Variants in NRXN1 observed in about 807,000 individuals in gnomAD.
NRXN1 encodes neurexin-1.
A neutral mutation model predicts 150.9 loss-of-function variants in NRXN1; 39 were observed. That is an observed-to-expected ratio of 0.26 (90% CI 0.20 to 0.34). The LOEUF is 0.34. Among genes scored for constraint, NRXN1 ranks in the 10% least tolerant of loss-of-function variants. The pLI, the probability that NRXN1 is intolerant of heterozygous loss-of-function variation, is 1.00. For synonymous variants in NRXN1, 924 were observed against 757.0 expected, an observed-to-expected ratio of 1.22 and a Z score of -3.62; for missense variants, 1,815 against 1,949.9, an observed-to-expected ratio of 0.93 and a Z score of 1.30.
intron 5 of NRXN1, among the ~76,000 whole-genome samples, chr2:50,812,800 CAAA>C (rs776852334): frequency 9.4e-6 from 1 of 106,696 alleles, no homozygotes; most frequent in African/African-American, 3.5e-5. Context: ...AAAGAGAAAG[CAAA>C]AAAAAAAAGA....
At chr2:50,204,468 T>C (rs2152836961) in intron 18 of NRXN1, among the ~76,000 whole-genome samples, 1 of 152,088 alleles carries the variant, frequency 6.6e-6, no homozygotes, top group Admixed American at 6.6e-5. Flanking sequence ...AGTTTTAGCC[T>C]TCCAAGTTGT....
intron 21 of NRXN1, among the ~76,000 whole-genome samples, chr2:49,967,013 AGGATTCTCTTAGGCAATTGGT>A (rs146394237): frequency 2.0e-3 from 304 of 152,304 alleles, no homozygotes; most frequent in African/African-American, 7.0e-3. Context: ...CCCAGTGAAG[AGGATTCTCTTAGGCAATTGGT>A]GGATTCTCTT....
rs1223499507 is a variant in NRXN1, at chr2:50,376,253, A to G, written c.3364+89189T>C. Among the ~76,000 whole-genome samples, 37 of 152,064 alleles carry G rather than the reference A, an allele frequency of 2.4e-4. 1 individual carries two copies. On this transcript the variant is annotated intron_variant, in intron 17 of 22. Coordinates refer to ENST00000401669, the MANE Select transcript of NRXN1 (RefSeq NM_001330078.2). ...ATTTCCTACCATGTAAGTCTGAAAG[A>G]GAGAAAATCAATTTTTATGAAAACA...
intron 17 of NRXN1, among the ~76,000 whole-genome samples, chr2:50,375,280 T>C (rs1314372947): frequency 2.0e-5 from 3 of 151,812 alleles, no homozygotes; most frequent in African/African-American, 7.3e-5. Context: ...AAAACAATGA[T>C]AGTAATTTAC....
intron 2 of NRXN1, among the ~76,000 whole-genome samples, chr2:50,935,899 A>T (rs1688475926): frequency 6.6e-6 from 1 of 152,094 alleles, no homozygotes; most frequent in South Asian, 2.1e-4. Flanking sequence ...TATTTAAAGT[A>T]TTTTCCAAGT....
At chr2:50,344,522 C>T (rs1205022806) in intron 17 of NRXN1, among the ~76,000 whole-genome samples, 1 of 152,156 alleles carries the variant, frequency 6.6e-6, no homozygotes, top group Admixed American at 6.5e-5. Flanking sequence ...TTCTTTGACC[C>T]AAAAGAATAA....
chr2:50,068,935 G>T (rs967080134), intron 19 of NRXN1, among the ~76,000 whole-genome samples: 7 of 152,092 alleles, frequency 4.6e-5, no homozygotes, highest in African/African-American at 1.4e-4. Context: ...TTTCTCCCAA[G>T]CAATGTCATC....
At chr2:50,845,449 C>T (rs931934032) in intron 5 of NRXN1, among the ~76,000 whole-genome samples, 3 of 152,134 alleles carry the variant, frequency 2.0e-5, no homozygotes, top group Non-Finnish European at 4.4e-5. Context: ...CATCCCTGAC[C>T]ACACAAACTA....
intron 2 of NRXN1, among the ~76,000 whole-genome samples, chr2:50,950,327 A>C (rs1482974947): frequency 6.6e-6 from 1 of 152,174 alleles, no homozygotes; most frequent in Non-Finnish European, 1.5e-5. Flanking sequence ...CATACATGTC[A>C]AATTATATAT....
intron 17 of NRXN1, among the ~76,000 whole-genome samples, chr2:50,264,372 C>T (rs2152916396): frequency 6.6e-6 from 1 of 152,086 alleles, no homozygotes; most frequent in Non-Finnish European, 1.5e-5. Flanking sequence ...GGAGACTAGC[C>T]ATTCATTCCT....
intron 8 of NRXN1, among the ~76,000 whole-genome samples, chr2:50,571,488 C>G (rs1457823729): frequency 6.6e-6 from 1 of 152,130 alleles, no homozygotes; most frequent in African/African-American, 2.4e-5. Flanking sequence ...TGTACTATCT[C>G]TGTCCTTGTT....
At chr2:51,006,748 A>G (rs1198528845) in intron 2 of NRXN1, among the ~76,000 whole-genome samples, 2 of 151,842 alleles carry the variant, frequency 1.3e-5, no homozygotes, top group Non-Finnish European at 2.9e-5. Flanking sequence ...TACAAATTCT[A>G]AGTTATTTGT....
intron 18 of NRXN1, among the ~76,000 whole-genome samples, chr2:50,102,142 G>A (rs927061152): frequency 6.6e-6 from 1 of 151,988 alleles, no homozygotes; most frequent in Non-Finnish European, 1.5e-5. Context: ...TCATGTGTGT[G>A]ATTGTGGCAC....
chr2:50,051,205 C>A (rs924468053), intron 21 of NRXN1, among the ~76,000 whole-genome samples: 1 of 151,856 alleles, frequency 6.6e-6, no homozygotes, highest in Non-Finnish European at 1.5e-5. Context: ...TGCATTTCTA[C>A]GTATTTAGCT....
chr2:50,205,538 A>G (rs1358537811), intron 18 of NRXN1, among the ~76,000 whole-genome samples: 1 of 152,112 alleles, frequency 6.6e-6, no homozygotes, highest in Non-Finnish European at 1.5e-5. Context: ...TTCAAAGTGC[A>G]ACATACGGAA....
intron 18 of NRXN1, among the ~76,000 whole-genome samples, chr2:50,165,462 C>T (rs543804650): frequency 4.6e-5 from 7 of 152,344 alleles, no homozygotes; most frequent in African/African-American, 1.4e-4. Flanking sequence ...GATTCTCTTG[C>T]CTCAGCCTCC....
intron 2 of NRXN1, among the ~76,000 whole-genome samples, chr2:50,951,441 T>A (rs887758845): frequency 6.6e-6 from 1 of 152,222 alleles, no homozygotes; most frequent in African/African-American, 2.4e-5. Flanking sequence ...TATAATTATC[T>A]GAGCCTAGAA....
At chr2:50,520,951 A>G (rs1482991509) in intron 12 of NRXN1, among the ~76,000 whole-genome samples, 1 of 152,100 alleles carries the variant, frequency 6.6e-6, no homozygotes, top group South Asian at 2.1e-4. Context: ...ACATGTCATT[A>G]CAGTATGTTT....
At chr2:50,654,768 C>A (rs978052553) in intron 5 of NRXN1, among the ~76,000 whole-genome samples, 3 of 152,070 alleles carry the variant, frequency 2.0e-5, no homozygotes, top group African/African-American at 7.2e-5. Context: ...ATTTGCATTT[C>A]TCTGATGGCC....
Sources: gnomAD v4.1 joint callset for allele counts (sites outside exome capture counted in the v4.1 genomes callset) on GRCh38, gnomAD v4.1.1 for gene constraint, MANE v1.5 for transcripts, NCBI Gene and HGNC (gene_info 2026-07-23, HGNC 2026-07-21) for gene names.